TBL1XR1: variants seen among roughly 807,000 people sequenced by gnomAD.
TBL1XR1 encodes the protein TBL1X/Y related 1, also known as F-box-like/WD repeat-containing protein TBL1XR1.
In TBL1XR1, 5 loss-of-function variants were observed where a neutral mutation model predicts 66.9. The ratio of observed to expected loss-of-function variants is 0.07; its 90% CI spans 0.04 to 0.16. The LOEUF (loss-of-function observed/expected upper bound fraction) is 0.16, where lower values mean the gene tolerates loss of function less well. Among genes scored for constraint, TBL1XR1 ranks in the 10% least tolerant of loss-of-function variants. TBL1XR1 has a pLI of 1.00. For synonymous variants in TBL1XR1, 210 were observed against 206.0 expected, an observed-to-expected ratio of 1.02 and a Z score of -0.17; for missense variants, 238 against 623.2, an observed-to-expected ratio of 0.38 and a Z score of 6.58.
chr3:177,024,713 G>GAAAAAAAAAAAAAAAAAAAAAAAAA lies in TBL1XR1; in HGVS notation c.*784_*785insTTTTTTTTTTTTTTTTTTTTTTTTT, dbSNP rs148659524. 3.5e-5 allele frequency: 3 copies of GAAAAAAAAAAAAAAAAAAAAAAAAA among 85,392 alleles called. No individual in the cohort carries two copies. The highest frequency in any genetic ancestry group is 7.6e-3 in the Middle Eastern group (1 of 132). The allele number at this position is 85,392 out of a possible 1,614,324, so 5.3% of individuals were successfully genotyped here. ...AGCCACATCACCAAAAAACAAAAAAGAAAAAAAAAAAAAAAAAGCAAAACA... is the reference window on the plus strand; with the variant it reads ...AGCCACATCACCAAAAAACAAAAAAGAAAAAAAAAAAAAAAAAAAAAAAAAAAAAAAAAAAAAAAAAAGCAAAACA... On this transcript the variant is annotated 3_prime_UTR_variant, in exon 16 of 16. Transcript: ENST00000457928.
At chr3:177,168,698 T>C (rs1733115798) in intron 1 of TBL1XR1, among the ~76,000 whole-genome samples, 1 of 152,230 alleles carries the variant, frequency 6.6e-6, no homozygotes, top group South Asian at 2.1e-4. Flanking sequence ...TTTCTCTCTC[T>C]ACAAACTTGT....
intron 10 of TBL1XR1, chr3:177,041,079 T>G (rs1163424158): frequency 1.3e-5 from 2 of 152,098 alleles, no homozygotes; most frequent in Admixed American, 1.3e-4. Flanking sequence ...CACCTCAGAG[T>G]TGTCAGGCTG....
chr3:177,055,346 C>T (rs988496129), intron 3 of TBL1XR1, among the ~76,000 whole-genome samples: 5 of 151,928 alleles, frequency 3.3e-5, no homozygotes, highest in African/African-American at 1.2e-4. Flanking sequence ...TCCTTGTAAC[C>T]CCTTCCTTCT....
chr3:177,050,992 C>T (rs556566259), intron 5 of TBL1XR1, among the ~76,000 whole-genome samples: 1 of 151,510 alleles, frequency 6.6e-6, no homozygotes, highest in Non-Finnish European at 1.5e-5. Flanking sequence ...CCTTTTATCT[C>T]GATGTCAGAG....
chr3:177,199,312 T>C (rs140874422), upstream of TBL1XR1, among the ~76,000 whole-genome samples: 4 of 152,226 alleles, frequency 2.6e-5, no homozygotes, highest in East Asian at 7.7e-4. Context: ...CTGAGGCTTG[T>C]TTACCTCAGA....
chr3:177,138,035 T>A (rs764301945), intron 1 of TBL1XR1, among the ~76,000 whole-genome samples: 16 of 152,290 alleles, frequency 1.1e-4, no homozygotes, highest in Non-Finnish European at 1.6e-4. Context: ...TGATAAATTC[T>A]AAAGAATTTT....
At chr3:177,180,758 C>T (rs1260470675) in intron 1 of TBL1XR1, among the ~76,000 whole-genome samples, 3 of 149,746 alleles carry the variant, frequency 2.0e-5, no homozygotes, top group Non-Finnish European at 3.0e-5. Context: ...TTTTTTGAGA[C>T]GGAGATTTGC....
intron 2 of TBL1XR1, among the ~76,000 whole-genome samples, chr3:177,092,016 T>C (rs1222313222): frequency 6.6e-6 from 1 of 152,216 alleles, no homozygotes; most frequent in Non-Finnish European, 1.5e-5. Flanking sequence ...GGTGCTTCCT[T>C]ATGCAAGCAT....
chr3:177,156,257 T>C (rs1731489244), intron 1 of TBL1XR1, among the ~76,000 whole-genome samples: 1 of 149,908 alleles, frequency 6.7e-6, no homozygotes, highest in Admixed American at 6.6e-5. Context: ...TCTAAGCACT[T>C]TGGGAGGCCA....
intron 1 of TBL1XR1, among the ~76,000 whole-genome samples, chr3:177,113,327 A>G (rs1725892648): frequency 6.6e-6 from 1 of 152,184 alleles, no homozygotes; most frequent in Non-Finnish European, 1.5e-5. Flanking sequence ...TTTTCTTTGG[A>G]TAGGACCTCA....
intron 3 of TBL1XR1, among the ~76,000 whole-genome samples, chr3:177,056,381 G>T (rs966670240): frequency 1.6e-4 from 24 of 152,186 alleles, no homozygotes; most frequent in Non-Finnish European, 3.4e-4. Context: ...CTGGAATGTT[G>T]CAGATATCCT....
rs532374657 is a variant in TBL1XR1, at chr3:177,101,676, C to T, written c.-121-3135G>A. Among the ~76,000 whole-genome samples, 6 of 152,258 alleles carry T rather than the reference C, an allele frequency of 3.9e-5. No individual in the cohort carries two copies. In the South Asian group the frequency reaches 1.2e-3, roughly 32 times the overall value. Reference sequence around the variant, plus strand: ...GGCCCCTCAAGCCTGGACTTTCTAGCCTCTGGAACTATAAGAAATCAATTT... The same window carrying T: ...GGCCCCTCAAGCCTGGACTTTCTAGTCTCTGGAACTATAAGAAATCAATTT... On this transcript the variant is annotated intron_variant, in intron 1 of 15. Transcript: ENST00000457928.
chr3:177,095,480 T>G (rs1437453827), intron 2 of TBL1XR1, among the ~76,000 whole-genome samples: 1 of 147,200 alleles, frequency 6.8e-6, no homozygotes, highest in Admixed American at 7.0e-5. Flanking sequence ...AAATCATGAT[T>G]AAAGGTGCAA....
intron 3 of TBL1XR1, among the ~76,000 whole-genome samples, chr3:177,064,467 TAAC>T (rs1718905185): frequency 1.3e-5 from 2 of 152,192 alleles, no homozygotes; most frequent in Non-Finnish European, 2.9e-5. Flanking sequence ...ATTACAATAA[TAAC>T]AATTCAGATC....
chr3:177,172,288 C>T (rs1296334281), intron 1 of TBL1XR1, among the ~76,000 whole-genome samples: 1 of 143,908 alleles, frequency 6.9e-6, no homozygotes, highest in Non-Finnish European at 1.5e-5. Flanking sequence ...AAATTATAAC[C>T]CTTATAACCC....
At chr3:177,131,477 T>A in intron 1 of TBL1XR1, 42 of 598,126 alleles carry the variant, frequency 7.0e-5, no homozygotes, top group Non-Finnish European at 8.2e-5. Flanking sequence ...AAAAAAAAAC[T>A]AAATTAAAAA....
At chr3:177,161,011 A>G (rs1341403248) in intron 1 of TBL1XR1, 2 of 151,978 alleles carry the variant, frequency 1.3e-5, no homozygotes, top group Non-Finnish European at 2.9e-5. Flanking sequence ...AAAAAAAAAT[A>G]AAGATCTAAA....
chr3:177,057,651 G>A (rs1185991064), intron 3 of TBL1XR1, among the ~76,000 whole-genome samples: 1 of 151,966 alleles, frequency 6.6e-6, no homozygotes, highest in Non-Finnish European at 1.5e-5. Context: ...CTTTTTCCAG[G>A]GACAGCTTTT....
chr3:177,085,917 A>G (rs751192058), intron 2 of TBL1XR1, among the ~76,000 whole-genome samples: 9 of 152,146 alleles, frequency 5.9e-5, no homozygotes, highest in Non-Finnish European at 1.2e-4. Flanking sequence ...TGGAGTGCAA[A>G]TGAGATAATG....
Sources: allele counts gnomAD v4.1 joint callset (sites outside exome capture counted in the v4.1 genomes callset), GRCh38; gene constraint gnomAD v4.1.1; transcripts MANE v1.5; gene names NCBI Gene and HGNC (gene_info 2026-07-23, HGNC 2026-07-21).